Variants in LDLRAD4 observed in about 807,000 individuals in gnomAD.
LDLRAD4 encodes the protein low density lipoprotein receptor class A domain containing 4, also known as low-density lipoprotein receptor class A domain-containing protein 4.
Under a neutral mutation model 17.0 loss-of-function variants are expected in LDLRAD4, and 5 were observed. The ratio of observed to expected loss-of-function variants is 0.29; its 90% confidence interval spans 0.15 to 0.62. The LOEUF (loss-of-function observed/expected upper bound fraction) is 0.62. Among genes scored for constraint, LDLRAD4 ranks in the 20% least tolerant of loss-of-function variants. The pLI is 0.84. For synonymous variants in LDLRAD4, 168 were observed against 171.8 expected, an observed-to-expected ratio of 0.98 and a Z score of 0.17; for missense variants, 340 against 424.7, an observed-to-expected ratio of 0.80 and a Z score of 1.75.
At chr18:13,323,918 T>C (rs2081376913) in intron 1 of LDLRAD4, among the ~76,000 whole-genome samples, 1 of 54,196 alleles carries the variant, frequency 1.8e-5, no homozygotes, top group Non-Finnish European at 4.0e-5. Flanking sequence ...GTATAAAAAT[T>C]AGCCGGGTGT....
chr18:13,621,827 G>A lies in LDLRAD4; in HGVS notation c.336+556G>A, dbSNP rs1028828808. On this transcript the variant is annotated intron_variant, in intron 4 of 5. Coordinates refer to ENST00000359446, the Ensembl canonical transcript of LDLRAD4. This position sits in a 1 kb window ranked among gnomAD's most constrained non-coding sequence, Gnocchi z 5.5. ...TGGGCTTGTCAGCGGTGGGCTTGTC[G>A]GCGGTAGGGTTGTCGGCGGTGGGTT... Among the ~76,000 whole-genome samples the A allele has an allele frequency of 2.0e-5, 3 of 151,870 alleles. No homozygotes were observed. The highest frequency in any genetic ancestry group is 7.3e-5 in the African/African-American group (3 of 41,314).
At chr18:13,263,641 G>A (rs994097507) in intron 1 of LDLRAD4, among the ~76,000 whole-genome samples, 5 of 152,202 alleles carry the variant, frequency 3.3e-5, no homozygotes, top group South Asian at 2.1e-4. Flanking sequence ...TCCTGTGCCC[G>A]AATTTCTCCA....
chr18:13,318,676 G>A (rs560567093), intron 1 of LDLRAD4, among the ~76,000 whole-genome samples: 6 of 152,292 alleles, frequency 3.9e-5, no homozygotes, highest in East Asian at 1.9e-4. Context: ...TTAATGTGCC[G>A]CTAGGCATTC....
intron 3 of LDLRAD4, among the ~76,000 whole-genome samples, chr18:13,511,467 G>A (rs1209448530): frequency 1.3e-5 from 2 of 152,136 alleles, no homozygotes; most frequent in Admixed American, 6.6e-5. Context: ...AGCCGAGATC[G>A]TGCCACTGCA....
exon 6 of LDLRAD4, chr18:13,648,720 G>A (rs1177789416): frequency 6.6e-6 from 1 of 152,142 alleles, no homozygotes; most frequent in African/African-American, 2.4e-5. Flanking sequence ...GATTATTCCA[G>A]CAAAGTGTGG....
At chr18:13,445,854 T>G (rs2091371864) in intron 3 of LDLRAD4, among the ~76,000 whole-genome samples, 1 of 152,074 alleles carries the variant, frequency 6.6e-6, no homozygotes, top group Admixed American at 6.6e-5. Context: ...GTGGTGCATG[T>G]GTGCATGAGT....
At chr18:13,458,662 A>G (rs2092274574) in intron 3 of LDLRAD4, among the ~76,000 whole-genome samples, 1 of 151,976 alleles carries the variant, frequency 6.6e-6, no homozygotes, top group South Asian at 2.2e-4. Flanking sequence ...CTTTACAGAT[A>G]TGACTAAGGC....
At chr18:13,308,835 T>G (rs1221040011) in intron 1 of LDLRAD4, among the ~76,000 whole-genome samples, 1 of 152,234 alleles carries the variant, frequency 6.6e-6, no homozygotes, top group East Asian at 1.9e-4. Context: ...GTTTTTGCAT[T>G]TGTCTTTTCA....
chr18:13,651,830 T>TCTGA (rs2043258507), exon 6 of LDLRAD4: 6 of 152,202 alleles, frequency 3.9e-5, no homozygotes, highest in Admixed American at 3.9e-4. Flanking sequence ...TGGTGTATGT[T>TCTGA]CTGACTTTGA....
chr18:13,553,556 C>G (rs900380583), intron 3 of LDLRAD4, among the ~76,000 whole-genome samples: 1 of 152,190 alleles, frequency 6.6e-6, no homozygotes, highest in Non-Finnish European at 1.5e-5. Context: ...TTTTCCTTAT[C>G]AGAAGGTGAA....
intron 3 of LDLRAD4, among the ~76,000 whole-genome samples, chr18:13,446,294 T>C (rs2091400325): frequency 6.6e-6 from 1 of 152,188 alleles, no homozygotes; most frequent in Admixed American, 6.5e-5. Flanking sequence ...TTGTTTGTCT[T>C]TGGAGGTGCT....
chr18:13,493,502 A>G (rs1289119202), intron 3 of LDLRAD4, among the ~76,000 whole-genome samples: 1 of 152,218 alleles, frequency 6.6e-6, no homozygotes, highest in Non-Finnish European at 1.5e-5. Context: ...CCTCTTTTGC[A>G]CTGTGCACCC....
intron 3 of LDLRAD4, among the ~76,000 whole-genome samples, chr18:13,603,601 G>C (rs1383635947): frequency 6.6e-6 from 1 of 152,216 alleles, no homozygotes; most frequent in Admixed American, 6.5e-5. Flanking sequence ...TTATTAAATG[G>C]CCTACTTGAA....
intron 1 of LDLRAD4, among the ~76,000 whole-genome samples, chr18:13,336,722 T>G (rs1255344268): frequency 6.6e-6 from 1 of 152,166 alleles, no homozygotes; most frequent in African/African-American, 2.4e-5. Context: ...TACCTTTTCT[T>G]TTTTTCTCAC....
At chr18:13,387,900 G>A (rs1451601943) in intron 2 of LDLRAD4, 138 bp downstream of exon 3, 1 of 710,294 alleles carries the variant, frequency 1.4e-6, no homozygotes, top group African/African-American at 1.8e-5. Flanking sequence ...GGCTGCTGTG[G>A]TGACTGATTC....
chr18:13,317,874 A>G (rs2081012069), intron 1 of LDLRAD4, among the ~76,000 whole-genome samples: 1 of 152,232 alleles, frequency 6.6e-6, no homozygotes, highest in Non-Finnish European at 1.5e-5. Context: ...TATAATAAAA[A>G]TAAAAGCCAT....
intron 1 of LDLRAD4, among the ~76,000 whole-genome samples, chr18:13,226,015 A>G (rs77854827): frequency 6.6e-6 from 1 of 151,840 alleles, no homozygotes; most frequent in Non-Finnish European, 1.5e-5. Flanking sequence ...AATTTATTAC[A>G]TAACTTGATA....
intron 2 of LDLRAD4, among the ~76,000 whole-genome samples, chr18:13,393,695 A>G (rs2086451367): frequency 6.6e-6 from 1 of 152,056 alleles, no homozygotes. Flanking sequence ...TTTTAGTGAT[A>G]AGTTTCCCTT....
chr18:13,602,711 G>A (rs1283599498), intron 3 of LDLRAD4, among the ~76,000 whole-genome samples: 1 of 151,720 alleles, frequency 6.6e-6, no homozygotes, highest in Non-Finnish European at 1.5e-5. Context: ...GCCTCCCAAA[G>A]TGTTAAGATT....
Sources: allele counts gnomAD v4.1 joint callset (sites outside exome capture counted in the v4.1 genomes callset), GRCh38; gene constraint gnomAD v4.1.1; non-coding constraint Gnocchi (gnomAD v3.1); transcripts MANE v1.5; gene names NCBI Gene and HGNC (gene_info 2026-07-23, HGNC 2026-07-21).